LRP1B: variants seen among roughly 807,000 people sequenced by gnomAD.
LRP1B encodes LDL receptor related protein 1B.
A neutral mutation model predicts 556.6 loss-of-function variants in LRP1B; 217 were observed. That is an observed-to-expected ratio of 0.39 (90% CI 0.35 to 0.44). The LOEUF (loss-of-function observed/expected upper bound fraction) is 0.44, where lower values mean the gene tolerates loss of function less well. LRP1B is among the 20% of genes least tolerant of loss of function. The probability of loss-of-function intolerance (pLI) is 1.00; values close to 1 mark genes in which losing one functional copy is unlikely to be tolerated. For synonymous variants in LRP1B, 2,047 were observed against 1,865.8 expected (o/e 1.10, Z -2.50); for missense variants, 5,053 against 5,620.8 (o/e 0.90, Z 3.23).
chr2:140,811,803 C>T (rs1156918709), intron 32 of LRP1B, among the ~76,000 whole-genome samples: 1 of 151,888 alleles, frequency 6.6e-6, no homozygotes, highest in African/African-American at 2.4e-5. Flanking sequence ...TCAATAAATT[C>T]CTACTGTAAA....
chr2:140,246,664 A>G (rs1681179189), intron 87 of LRP1B, among the ~76,000 whole-genome samples: 2 of 151,598 alleles, frequency 1.3e-5, no homozygotes, highest in South Asian at 4.1e-4. Flanking sequence ...AGACTAACCA[A>G]TAAAGTCTGT....
At chr2:141,593,030 T>G (rs1029437005) in intron 2 of LRP1B, among the ~76,000 whole-genome samples, 1 of 152,162 alleles carries the variant, frequency 6.6e-6, no homozygotes, top group Non-Finnish European at 1.5e-5. Context: ...TTTCTGAAGT[T>G]AACTTCTGCC....
chr2:142,036,520 T>C (rs1251964947), intron 1 of LRP1B, among the ~76,000 whole-genome samples: 2 of 151,738 alleles, frequency 1.3e-5, no homozygotes. Flanking sequence ...GTATCAAGTC[T>C]AAAATATGAA....
intron 1 of LRP1B, among the ~76,000 whole-genome samples, chr2:141,948,167 C>T (rs995748367): frequency 2.6e-4 from 39 of 151,936 alleles, no homozygotes; most frequent in Middle Eastern, 3.4e-3. Context: ...GGTGTAGTGG[C>T]GCATGCTTGT....
intron 2 of LRP1B, among the ~76,000 whole-genome samples, chr2:141,537,023 A>G (rs1197439484): frequency 1.3e-5 from 2 of 152,046 alleles, no homozygotes; most frequent in South Asian, 2.1e-4. Context: ...AAGGAAAAAA[A>G]AAATCCCTGC....
intron 41 of LRP1B, among the ~76,000 whole-genome samples, chr2:140,631,354 G>C (rs1051386624): frequency 3.3e-5 from 5 of 152,184 alleles, no homozygotes; most frequent in African/African-American, 1.2e-4. Context: ...AGAGATTTTG[G>C]AGTTATCAGA....
At chr2:141,695,964 C>T (rs1011446802) in intron 2 of LRP1B, among the ~76,000 whole-genome samples, 8 of 151,980 alleles carry the variant, frequency 5.3e-5, no homozygotes, top group African/African-American at 1.9e-4. Context: ...TTTAGTTCTC[C>T]TTGAACTACC....
chr2:140,786,606 A>T (rs6429844), intron 32 of LRP1B, among the ~76,000 whole-genome samples: 64,149 of 151,636 alleles, frequency 0.42, 15,232 homozygotes, highest in East Asian at 0.58. Context: ...TTTTCCTAAG[A>T]TTTTTTTTTC....
At chr2:141,189,971 A>C (rs1277498306) in intron 6 of LRP1B, among the ~76,000 whole-genome samples, 1 of 12,548 alleles carries the variant, frequency 8.0e-5, no homozygotes, top group South Asian at 3.5e-3. Context: ...AGAAAGAAAG[A>C]AAGCATCTGT....
intron 3 of LRP1B, among the ~76,000 whole-genome samples, chr2:141,260,605 T>C (rs1336046449): frequency 6.6e-6 from 1 of 152,212 alleles, no homozygotes; most frequent in Non-Finnish European, 1.5e-5. Context: ...TGCTATCTTT[T>C]GTGTATAGCT....
intron 2 of LRP1B, among the ~76,000 whole-genome samples, chr2:141,622,759 A>G (rs1474928193): frequency 6.6e-6 from 1 of 152,178 alleles, no homozygotes; most frequent in Non-Finnish European, 1.5e-5. Context: ...CTGGGATGAC[A>G]TTGTGAACCT....
intron 43 of LRP1B, among the ~76,000 whole-genome samples, chr2:140,553,176 A>G (rs80146348): frequency 1.3e-5 from 2 of 152,092 alleles, no homozygotes; most frequent in African/African-American, 4.8e-5. Context: ...ATGGCTGGGT[A>G]TGATAGAATG....
At chr2:141,206,155 A>ACACG (rs1475265553) in intron 6 of LRP1B, among the ~76,000 whole-genome samples, 3 of 151,138 alleles carry the variant, frequency 2.0e-5, no homozygotes, top group African/African-American at 7.3e-5. Flanking sequence ...ACACACACAC[A>ACACG]CACGCACAAC....
At chr2:140,738,912 G>A (rs1341209901) in intron 35 of LRP1B, among the ~76,000 whole-genome samples, 2 of 152,168 alleles carry the variant, frequency 1.3e-5, no homozygotes, top group African/African-American at 4.8e-5. Context: ...TGGATCTTTT[G>A]TAATAGCACC....
intron 2 of LRP1B, among the ~76,000 whole-genome samples, chr2:141,775,382 A>G (rs557768513): frequency 2.0e-4 from 31 of 152,166 alleles, no homozygotes; most frequent in Non-Finnish European, 3.4e-4. Context: ...TTATTTTCAT[A>G]TATATGTGTG....
At chr2:140,566,627 G>C (rs971280355) in intron 43 of LRP1B, among the ~76,000 whole-genome samples, 6 of 152,200 alleles carry the variant, frequency 3.9e-5, no homozygotes, top group African/African-American at 1.4e-4. Flanking sequence ...TGCTTTGATG[G>C]AGCCACTCCA....
Position 141,226,999 on chromosome 2 carries a change from A to G in LRP1B, c.850+2184T>C, listed in dbSNP as rs150281360. Among the ~76,000 whole-genome samples, 103 of 152,298 alleles carry G rather than the reference A, an allele frequency of 6.8e-4. 1 individual carries two copies. In the East Asian group the frequency reaches 0.018, roughly 26 times the overall value. ...CAGTGAACTTATTTTTTATTATTCA[A>G]AATGAATATTCTATTCAGCATTTCA... On this transcript the variant is annotated intron_variant, in intron 6 of 90. Coordinates refer to ENST00000389484, the MANE Select transcript of LRP1B (RefSeq NM_018557.3).
chr2:141,389,577 G>A (rs907329757), intron 3 of LRP1B, among the ~76,000 whole-genome samples: 4 of 151,830 alleles, frequency 2.6e-5, no homozygotes, highest in South Asian at 4.2e-4. Flanking sequence ...TCTTAGATAC[G>A]AGAACAAACG....
chr2:140,599,207 G>A (rs1454643957), intron 42 of LRP1B, among the ~76,000 whole-genome samples: 1 of 152,052 alleles, frequency 6.6e-6, no homozygotes, highest in Non-Finnish European at 1.5e-5. Flanking sequence ...CATTTCAGCT[G>A]ATCCAGTACA....
Sources: allele counts gnomAD v4.1 joint callset (sites outside exome capture counted in the v4.1 genomes callset), GRCh38; gene constraint gnomAD v4.1.1; transcripts MANE v1.5; gene names NCBI Gene and HGNC (gene_info 2026-07-23, HGNC 2026-07-21).